Variants in CHMP3 observed in about 807,000 individuals in gnomAD.
CHMP3 encodes charged multivesicular body protein 3, also known as 25.1 protein.
CHMP3 carries 8 observed loss-of-function variants against 27.4 expected under a neutral mutation model. The ratio of observed to expected loss-of-function variants is 0.29; its 90% CI spans 0.17 to 0.53. The LOEUF is 0.53. CHMP3 is among the 20% of genes least tolerant of loss of function. CHMP3 has a pLI of 0.96. For synonymous variants in CHMP3, 86 were observed against 85.5 expected, an observed-to-expected ratio of 1.01 and a Z score of -0.03; for missense variants, 208 against 271.5, an observed-to-expected ratio of 0.77 and a Z score of 1.64.
intron 2 of CHMP3, chr2:86,540,516 C>T (rs893919077): frequency 3.9e-5 from 6 of 152,002 alleles, no homozygotes; most frequent in East Asian, 1.9e-4. Context: ...TCAGAAAATC[C>T]GAAATCCAAA....
intron 1 of CHMP3, among the ~76,000 whole-genome samples, chr2:86,556,911 T>C (rs543821741): frequency 6.6e-6 from 1 of 152,290 alleles, no homozygotes; most frequent in Non-Finnish European, 1.5e-5. Flanking sequence ...ACACCATCCC[T>C]ACTCCTGTCC....
At chr2:86,524,882 C>A (rs374429473) in intron 3 of CHMP3, among the ~76,000 whole-genome samples, 26 of 152,268 alleles carry the variant, frequency 1.7e-4, no homozygotes, top group African/African-American at 6.3e-4. Context: ...GAAAACAATA[C>A]AGGATGATTC....
At chr2:86,556,273 T>A (rs556439904) in intron 1 of CHMP3, among the ~76,000 whole-genome samples, 1 of 152,310 alleles carries the variant, frequency 6.6e-6, no homozygotes, top group East Asian at 1.9e-4. Flanking sequence ...ATTTTGCATA[T>A]CTTTCAAGAC....
intron 4 of CHMP3, among the ~76,000 whole-genome samples, chr2:86,509,926 G>A (rs943494043): frequency 6.6e-6 from 1 of 152,186 alleles, no homozygotes; most frequent in African/African-American, 2.4e-5. Context: ...AGGTATTTAC[G>A]CACTTTCTAT....
intron 1 of CHMP3, 73 bp downstream of exon 1, chr2:86,563,231 G>T: frequency 6.4e-7 from 1 of 1,561,368 alleles, no homozygotes; most frequent in Non-Finnish European, 8.8e-7. Flanking sequence ...GGAGAAGAGT[G>T]TCCTGTCATT....
At chr2:86,559,502 C>T (rs1002717346) in intron 1 of CHMP3, among the ~76,000 whole-genome samples, 2 of 152,208 alleles carry the variant, frequency 1.3e-5, no homozygotes, top group Admixed American at 6.5e-5. Flanking sequence ...GACTAATACA[C>T]CATCCCTGCT....
intron 3 of CHMP3, 111 bp from the exon 4 acceptor site, chr2:86,510,590 G>C: frequency 7.0e-7 from 1 of 1,426,166 alleles, no homozygotes; most frequent in Non-Finnish European, 9.4e-7. Flanking sequence ...GACTCCCGAA[G>C]TTATTTGTGT....
At position 86,507,569 on chromosome 2, in the gene CHMP3, C is replaced by T. The variant is rs774273747; in HGVS notation, c.433G>A (p.Glu145Lys). 1 of 1,614,166 alleles carries T rather than the reference C, an allele frequency of 6.2e-7. No individual in the cohort carries two copies. The highest frequency in any genetic ancestry group is 1.7e-5 in the Admixed American group (1 of 60,020). ...TCGTCCATGCTTTCAAAAGTGTCCTCTAACATCTCCTCTATGATCCCAGCC... is the reference window on the plus strand; with the variant it reads ...TCGTCCATGCTTTCAAAAGTGTCCTTTAACATCTCCTCTATGATCCCAGCC... Reference protein sequence around the residue: ...MKAGIIEEMLEDTFESMDDQE... With the variant: ...MKAGIIEEMLKDTFESMDDQE... The change falls in exon 5 of 6, where the codon GAG becomes AAG. Residue 145 changes from glutamate to lysine, a missense_variant. Glu to Lys is a moderately conservative substitution (Grantham distance 56). This residue lies in a region of CHMP3 where 94 missense variants were observed against 159.6 expected (regional missense o/e 0.59). Transcript: ENST00000263856.
rs1298902340 is a variant in CHMP3, at chr2:86,504,928, A to G, written c.*876T>C. On this transcript the variant is annotated 3_prime_UTR_variant, in exon 6 of 6. Transcript: ENST00000263856. ...GTACTACTGCTGAAATGATTTATAAATGTATCTTAAGAATGTCCCAGATGA... is the reference window on the plus strand; with the variant it reads ...GTACTACTGCTGAAATGATTTATAAGTGTATCTTAAGAATGTCCCAGATGA... 6.6e-6 allele frequency: 1 copy of G among 152,158 alleles called. No homozygotes were observed. The highest frequency in any genetic ancestry group is 1.5e-5 in the Non-Finnish European group (1 of 68,038). 9.4% of individuals were successfully genotyped at this position (152,158 alleles called of 1,614,324 possible).
At chr2:86,562,647 T>G (rs1401201137) in intron 1 of CHMP3, 2 of 152,214 alleles carry the variant, frequency 1.3e-5, no homozygotes, top group Admixed American at 6.5e-5. Flanking sequence ...AAACTTAGGT[T>G]GACTGACTGC....
chr2:86,504,258 T>C lies in CHMP3; in HGVS notation c.*1546A>G, dbSNP rs909410275. On this transcript the variant is annotated 3_prime_UTR_variant, in exon 6 of 6. Coordinates refer to ENST00000263856, the MANE Select transcript of CHMP3 (RefSeq NM_016079.4). ...CATGTAAACTATGGACTTTGGGTGA[T>C]AATGATGTGTCAATGGAGGTTTATT... The C allele has an allele frequency of 5.9e-5, 9 of 152,166 alleles. No individual in the cohort carries two copies. The highest frequency in any genetic ancestry group is 1.7e-4 in the African/African-American group (7 of 41,448). The allele number at this position is 152,166 out of a possible 1,614,324, so 9.4% of individuals were successfully genotyped here. A position where few individuals can be genotyped will look rare whatever the true frequency, so the allele number is the denominator to read the frequency against.
intron 2 of CHMP3, among the ~76,000 whole-genome samples, chr2:86,531,008 C>T (rs1675898633): frequency 6.6e-6 from 1 of 152,002 alleles, no homozygotes. Context: ...AGTCTTTTGC[C>T]CATTTTTGAA....
Position 86,505,638 on chromosome 2 carries a change from A to T in CHMP3, c.*166T>A. On this transcript the variant is annotated 3_prime_UTR_variant, in exon 6 of 6. Transcript: ENST00000263856. ...TGATGCATTTATTTATGCCACTTTTATAAGAACAATCCCTTTGCGATCCCA... is the reference window on the plus strand; with the variant it reads ...TGATGCATTTATTTATGCCACTTTTTTAAGAACAATCCCTTTGCGATCCCA... The T allele has an allele frequency of 1.1e-6, 1 of 918,324 alleles. No individual in the cohort carries two copies. Among genetic ancestry groups the T allele is most frequent in the Non-Finnish European group, 1.5e-6 (1 of 670,906 alleles). The allele number at this position is 918,324 out of a possible 1,614,324, so 56.9% of individuals were successfully genotyped here.
chr2:86,524,227 C>T (rs72932364), intron 3 of CHMP3, among the ~76,000 whole-genome samples: 21,111 of 152,184 alleles, frequency 0.14, 1,603 homozygotes, highest in Middle Eastern at 0.17. Flanking sequence ...TGTACATGCA[C>T]ACATCCAAGC....
intron 1 of CHMP3, among the ~76,000 whole-genome samples, chr2:86,549,024 C>T (rs1227784372): frequency 6.6e-6 from 1 of 150,806 alleles, no homozygotes; most frequent in Non-Finnish European, 1.5e-5. Flanking sequence ...GCGCTCCCCA[C>T]CTCCCAGATG....
At chr2:86,527,401 G>C (rs1042164843) in intron 3 of CHMP3, among the ~76,000 whole-genome samples, 1 of 152,178 alleles carries the variant, frequency 6.6e-6, no homozygotes, top group African/African-American at 2.4e-5. Flanking sequence ...AAGCAATAAG[G>C]AAAGAGTGAA....
At chr2:86,515,819 C>CT (rs1186927071) in intron 3 of CHMP3, among the ~76,000 whole-genome samples, 1 of 152,092 alleles carries the variant, frequency 6.6e-6, no homozygotes, top group African/African-American at 2.4e-5. Flanking sequence ...TTTCTCTTTT[C>CT]TTTTTTGTAT....
At chr2:86,550,394 G>T (rs969981517) in intron 1 of CHMP3, among the ~76,000 whole-genome samples, 3 of 151,976 alleles carry the variant, frequency 2.0e-5, no homozygotes, top group South Asian at 4.2e-4. Flanking sequence ...GGGAGAGAGG[G>T]AGAGAGGGGG....
At chr2:86,541,494 G>C (rs1479536879) in intron 2 of CHMP3, 1 of 152,016 alleles carries the variant, frequency 6.6e-6, no homozygotes, top group Non-Finnish European at 1.5e-5. Context: ...GCTCTGCTTG[G>C]AATGTCCTTC....
Sources: gnomAD v4.1 joint callset for allele counts (sites outside exome capture counted in the v4.1 genomes callset) on GRCh38, gnomAD v4.1.1 for gene constraint, gnomAD v4.1.1 regional missense constraint, MANE v1.5 for transcripts, NCBI Gene and HGNC (gene_info 2026-07-23, HGNC 2026-07-21) for gene names.